Variants in NFIB observed in about 807,000 individuals in gnomAD.
The protein encoded by NFIB is nuclear factor I B.
NFIB carries 11 observed loss-of-function variants against 61.5 expected under a neutral mutation model. The observed-to-expected ratio is 0.18, with a 90% CI of 0.11 to 0.30. NFIB has a LOEUF of 0.30. Among genes scored for constraint, NFIB ranks in the 10% least tolerant of loss-of-function variants. The pLI is 1.00. For missense variants in NFIB, 471 were observed against 608.9 expected (o/e 0.77, Z 2.38); for synonymous variants, 260 against 216.5 (o/e 1.20, Z -1.76).
At chr9:14,259,089 G>C (rs1000846369) in intron 2 of NFIB, among the ~76,000 whole-genome samples, 3 of 152,180 alleles carry the variant, frequency 2.0e-5, no homozygotes, top group Non-Finnish European at 2.9e-5. Flanking sequence ...CATAAGGCTC[G>C]TGAGAATCTC....
intron 2 of NFIB, among the ~76,000 whole-genome samples, chr9:14,196,799 C>T (rs1482266695): frequency 6.6e-6 from 1 of 151,730 alleles, no homozygotes; most frequent in Non-Finnish European, 1.5e-5. Flanking sequence ...TAAGTGTTTT[C>T]TTAGGCCGTT....
upstream of NFIB, among the ~76,000 whole-genome samples, chr9:14,399,586 A>G (rs1322923361): frequency 6.6e-6 from 1 of 152,198 alleles, no homozygotes; most frequent in Non-Finnish European, 1.5e-5. Context: ...ATTATAAATA[A>G]TGATTGATTT....
intron 2 of NFIB, among the ~76,000 whole-genome samples, chr9:14,253,179 A>G (rs1368587337): frequency 6.6e-6 from 1 of 152,218 alleles, no homozygotes; most frequent in East Asian, 1.9e-4. Context: ...GTTACAGCTC[A>G]TCTTTGACTA....
intron 2 of NFIB, among the ~76,000 whole-genome samples, chr9:14,302,737 G>GC (rs2059814617): frequency 6.9e-6 from 1 of 145,554 alleles, no homozygotes; most frequent in African/African-American, 2.8e-5. Context: ...TCCCACTCCC[G>GC]CCCCCCGACT....
intron 2 of NFIB, among the ~76,000 whole-genome samples, chr9:14,245,661 T>A (rs1226447384): frequency 6.6e-6 from 1 of 152,058 alleles, no homozygotes; most frequent in Non-Finnish European, 1.5e-5. Flanking sequence ...TTACTTGAGA[T>A]CAGGAGTTCA....
chr9:14,351,288 C>A (rs181616112), intron 1 of NFIB, among the ~76,000 whole-genome samples: 2 of 152,232 alleles, frequency 1.3e-5, no homozygotes, highest in African/African-American at 4.8e-5. Flanking sequence ...CTGACTTTGC[C>A]GAAAGTAATT....
At chr9:14,255,415 A>G (rs1319166120) in intron 2 of NFIB, among the ~76,000 whole-genome samples, 1 of 152,208 alleles carries the variant, frequency 6.6e-6, no homozygotes, top group Non-Finnish European at 1.5e-5. Context: ...CATATCAATG[A>G]CTGTGAGCAT....
In NFIB at chr9:14,082,500, G is replaced by A. The variant is rs913597415; in HGVS notation, c.*5809C>T. 1 of 205,906 alleles carries A rather than the reference G, an allele frequency of 4.9e-6. No individual in the cohort carries two copies. Among genetic ancestry groups the A allele is most frequent in the Non-Finnish European group, 1.0e-5 (1 of 100,348 alleles). 12.8% of individuals were successfully genotyped at this position (205,906 alleles called of 1,614,324 possible). A position where few individuals can be genotyped will look rare whatever the true frequency, so the allele number is the denominator to read the frequency against. On this transcript the variant is annotated 3_prime_UTR_variant, in exon 11 of 11. Transcript: ENST00000380953. ...AAGACATAATCTACTGCAGCTTTGA[G>A]AAACCTATGCCTGGGATGTAGTTAC... is the stretch of plus-strand genomic sequence containing the variant.
At chr9:14,193,832 C>T (rs924328573) in intron 2 of NFIB, among the ~76,000 whole-genome samples, 5 of 152,124 alleles carry the variant, frequency 3.3e-5, no homozygotes, top group African/African-American at 1.2e-4. Context: ...GAAAAACATA[C>T]AGCATCAATT....
At chr9:14,191,440 T>C (rs1299277324) in intron 2 of NFIB, among the ~76,000 whole-genome samples, 1 of 151,938 alleles carries the variant, frequency 6.6e-6, no homozygotes, top group Non-Finnish European at 1.5e-5. Context: ...ATTTGGGAAA[T>C]GGGAAAATAA....
At chr9:14,482,220 A>G in the NFIB span, among the ~76,000 whole-genome samples, 6 of 152,136 alleles carry the variant, frequency 3.9e-5, no homozygotes, top group Admixed American at 3.3e-4. Context: ...TTCTTTGTCT[A>G]TATCAAAAGT....
At chr9:14,369,265 G>T (rs1217867511) in intron 1 of NFIB, among the ~76,000 whole-genome samples, 1 of 152,146 alleles carries the variant, frequency 6.6e-6, no homozygotes, top group Non-Finnish European at 1.5e-5. Flanking sequence ...CAATCTTATT[G>T]TATTAAAGAA....
At chr9:14,141,284 G>A (rs905429767) in intron 6 of NFIB, among the ~76,000 whole-genome samples, 2 of 152,162 alleles carry the variant, frequency 1.3e-5, no homozygotes, top group Non-Finnish European at 2.9e-5. Flanking sequence ...ATAAAAATTA[G>A]TAGTTTTATT....
At chr9:14,221,750 A>G (rs957597119) in intron 2 of NFIB, among the ~76,000 whole-genome samples, 19 of 152,214 alleles carry the variant, frequency 1.2e-4, no homozygotes, top group African/African-American at 4.3e-4. Flanking sequence ...CTTGGAATCC[A>G]TAGTATAATT....
chr9:14,442,666 G>T, the NFIB span, among the ~76,000 whole-genome samples: 5 of 152,070 alleles, frequency 3.3e-5, no homozygotes, highest in African/African-American at 1.2e-4. Context: ...ATCTTTGCGT[G>T]TGTGTGTCTG....
chr9:14,408,522 G>C, the NFIB span, among the ~76,000 whole-genome samples: 1 of 152,298 alleles, frequency 6.6e-6, no homozygotes, highest in African/African-American at 2.4e-5. Flanking sequence ...AGGGGACAAA[G>C]GGAATTTGCC....
intron 2 of NFIB, among the ~76,000 whole-genome samples, chr9:14,301,360 T>G (rs754214899): frequency 6.6e-6 from 1 of 152,180 alleles, no homozygotes; most frequent in Non-Finnish European, 1.5e-5. Context: ...ACAAGAGACA[T>G]TGTGCACTAA....
intron 10 of NFIB, among the ~76,000 whole-genome samples, chr9:14,108,141 C>T (rs898414524): frequency 5.9e-5 from 9 of 152,086 alleles, no homozygotes; most frequent in Non-Finnish European, 1.3e-4. Context: ...AAAGTGACCT[C>T]TTATCCACTT....
At chr9:14,518,252 G>A in the NFIB span, among the ~76,000 whole-genome samples, 110,711 of 152,006 alleles carry the variant, frequency 0.73, 40,474 homozygotes, top group Admixed American at 0.77. Flanking sequence ...CCATGGCCCT[G>A]TGTTTTGGGG....
Sources: allele counts gnomAD v4.1 joint callset (sites outside exome capture counted in the v4.1 genomes callset), GRCh38; gene constraint gnomAD v4.1.1; transcripts MANE v1.5; gene names NCBI Gene and HGNC (gene_info 2026-07-23, HGNC 2026-07-21).